The following JARID2 variants were observed in gnomAD, a reference collection of about 807,000 sequenced individuals.
JARID2 encodes the protein jumonji and AT-rich interaction domain containing 2, also known as protein Jumonji.
A neutral mutation model predicts 125.6 loss-of-function variants in JARID2; 21 were observed. That is an observed-to-expected ratio of 0.17 (90% CI 0.12 to 0.24). JARID2 has a LOEUF of 0.24. Ranked by LOEUF, JARID2 falls within the 10% of genes least tolerant of loss-of-function variation. The pLI is 1.00. For synonymous variants in JARID2, 736 were observed against 661.6 expected (o/e 1.11, Z -1.73); for missense variants, 1,303 against 1,639.6 (o/e 0.79, Z 3.55).
rs1282813295 is a variant in JARID2 at position 15,439,225 on chromosome 6, TA to T, written c.324-12779del. The stretch of plus-strand genomic sequence containing the variant: ...GATAAGATTTTGGACATTGCTCATT[TA>T]AGAAGTTTTTAGCTGAAAAATCTTA... On this transcript the variant is annotated intron_variant, in intron 3 of 17. Transcript: ENST00000341776. 2.0e-5 allele frequency among the ~76,000 whole-genome samples: 3 copies of T among 152,300 alleles called. No homozygotes were observed. In the South Asian group the frequency reaches 6.2e-4, roughly 32 times the overall value.
At chr6:15,277,044 TAGTAAA>T (rs1438111455) in intron 1 of JARID2, among the ~76,000 whole-genome samples, 1 of 152,216 alleles carries the variant, frequency 6.6e-6, no homozygotes, top group East Asian at 1.9e-4. Flanking sequence ...AATGAGTTCT[TAGTAAA>T]AGTGCTTTGT....
rs1050165029 is a variant in JARID2, at chr6:15,521,680, C to T, written c.*1429C>T. 6.6e-6 allele frequency: 1 copy of T among 152,108 alleles called. No homozygotes were observed. The highest frequency in any genetic ancestry group is 2.4e-5 in the African/African-American group (1 of 41,400). The allele number at this position is 152,108 out of a possible 1,614,324, so 9.4% of individuals were successfully genotyped here. The stretch of plus-strand genomic sequence containing the variant: ...TTGGATTCATCAATCCCGTAGCTAC[C>T]CATATTGCACTGAGCTTGCCAGTGG... On this transcript the variant is annotated 3_prime_UTR_variant, in exon 18 of 18. Coordinates refer to ENST00000341776, the MANE Select transcript of JARID2 (RefSeq NM_004973.4).
At chr6:15,353,181 G>T (rs1234177712) in intron 1 of JARID2, among the ~76,000 whole-genome samples, 1 of 152,162 alleles carries the variant, frequency 6.6e-6, no homozygotes, top group Non-Finnish European at 1.5e-5. Flanking sequence ...TGAGGTTCCA[G>T]TTTCTCTGCA....
At position 15,311,187 on chromosome 6, in the gene JARID2, A is replaced by G. The variant is rs578234485; in HGVS notation, c.46-62930A>G. ...GAGGATTCATATCACCCTTGCTCCT[A>G]ATCCAGTAACCCCTAGCAGTGCCCA... On this transcript the variant is annotated intron_variant, in intron 1 of 17. Coordinates refer to ENST00000341776, the MANE Select transcript of JARID2 (RefSeq NM_004973.4). Among the ~76,000 whole-genome samples the G allele has an allele frequency of 3.3e-5, 5 of 152,276 alleles. No homozygotes were observed. In the East Asian group the frequency reaches 9.7e-4, roughly 29 times the overall value.
chr6:15,431,619 T>G (rs1766971442), intron 3 of JARID2, among the ~76,000 whole-genome samples: 1 of 152,250 alleles, frequency 6.6e-6, no homozygotes, highest in South Asian at 2.1e-4. Flanking sequence ...GATATAATTT[T>G]AAATTGCAAT....
chr6:15,390,103 C>T (rs1299133420), intron 2 of JARID2, among the ~76,000 whole-genome samples: 2 of 152,176 alleles, frequency 1.3e-5, no homozygotes, highest in Non-Finnish European at 2.9e-5. Context: ...TCCTGCCCTT[C>T]CCTGTTTCAG....
chr6:15,263,547 T>C (rs981593920), intron 1 of JARID2, among the ~76,000 whole-genome samples: 1 of 152,002 alleles, frequency 6.6e-6, no homozygotes, highest in Non-Finnish European at 1.5e-5. Context: ...TTTCCCCAAG[T>C]TGGTGTGAAA....
chr6:15,370,486 C>T (rs966430579), intron 1 of JARID2, among the ~76,000 whole-genome samples: 1 of 151,872 alleles, frequency 6.6e-6, no homozygotes, highest in Non-Finnish European at 1.5e-5. Flanking sequence ...TACAGGCGCC[C>T]GCCACCACGC....
chr6:15,273,320 C>G (rs1760372461), intron 1 of JARID2, among the ~76,000 whole-genome samples: 1 of 152,212 alleles, frequency 6.6e-6, no homozygotes, highest in Non-Finnish European at 1.5e-5. Context: ...CATATAATCT[C>G]TTTTCCAATT....
In JARID2 at chr6:15,520,182, G is replaced by A. The variant is rs140270073; in HGVS notation, c.3672G>A (p.Ala1224=). The A allele has an allele frequency of 9.3e-6, 15 of 1,613,768 alleles. No homozygotes were observed. The highest frequency in any genetic ancestry group is 6.7e-5 in the Admixed American group (4 of 59,952). Reference sequence around the variant, plus strand: ...CAAAAAGAGGTCCCCGCAAGAGAGCGACAGTGGACGTGCCCCCCTCCCGTC... The same window carrying A: ...CAAAAAGAGGTCCCCGCAAGAGAGCAACAGTGGACGTGCCCCCCTCCCGTC... The part of the protein sequence containing the change: ...PTPKRGPRKR[A]TVDVPPSRLS... The change falls in exon 18 of 18, where the codon GCG becomes GCA. Residue 1224 remains alanine (A), a synonymous_variant. Transcript: ENST00000341776.
intron 1 of JARID2, among the ~76,000 whole-genome samples, chr6:15,251,304 C>T (rs1213243454): frequency 6.6e-6 from 1 of 152,262 alleles, no homozygotes; most frequent in African/African-American, 2.4e-5. Flanking sequence ...GCGTGAGCCA[C>T]TGCACCCAGC....
intron 1 of JARID2, among the ~76,000 whole-genome samples, chr6:15,281,924 C>CTGTGTGTGTGTGTG (rs3138771): frequency 3.8e-4 from 55 of 146,262 alleles, no homozygotes; most frequent in African/African-American, 1.2e-3. Context: ...GGTATGTGCT[C>CTGTGTGTGTGTGTG]TGTGTGTGTG....
At chr6:15,487,066 C>T (rs773605728) in intron 5 of JARID2, among the ~76,000 whole-genome samples, 12 of 152,010 alleles carry the variant, frequency 7.9e-5, no homozygotes, top group African/African-American at 2.4e-4. Context: ...AAAGGTAGAG[C>T]GTGAGGTGGG....
At chr6:15,403,461 C>T (rs1765519894) in intron 2 of JARID2, among the ~76,000 whole-genome samples, 1 of 152,132 alleles carries the variant, frequency 6.6e-6, no homozygotes, top group African/African-American at 2.4e-5. Context: ...CTGCTTACCT[C>T]TTCCTCTGAG....
intron 2 of JARID2, among the ~76,000 whole-genome samples, chr6:15,378,626 A>G (rs767388874): frequency 6.6e-6 from 1 of 152,212 alleles, no homozygotes; most frequent in Non-Finnish European, 1.5e-5. Flanking sequence ...ATTGCAGCTC[A>G]AGTCCTGTAA....
chr6:15,414,131 A>G (rs1313747796), intron 3 of JARID2, among the ~76,000 whole-genome samples: 1 of 152,154 alleles, frequency 6.6e-6, no homozygotes, highest in African/African-American at 2.4e-5. Flanking sequence ...GGTGATGGGG[A>G]AAGGGGAAGA....
chr6:15,324,284 A>G (rs944671351), intron 1 of JARID2: 6 of 151,496 alleles, frequency 4.0e-5, no homozygotes, highest in Non-Finnish European at 7.4e-5. Context: ...AAATCTTTGT[A>G]TAACCTAAGA....
At chr6:15,363,118 G>C (rs888836042) in intron 1 of JARID2, among the ~76,000 whole-genome samples, 21 of 152,178 alleles carry the variant, frequency 1.4e-4, no homozygotes, top group Admixed American at 1.3e-3. Context: ...AGGTATTTTA[G>C]TGTGGCAGGA....
chr6:15,504,818 G>A (rs1470098651), intron 9 of JARID2, among the ~76,000 whole-genome samples: 1 of 152,176 alleles, frequency 6.6e-6, no homozygotes, highest in East Asian at 1.9e-4. Flanking sequence ...AAGGTGGGGA[G>A]CTGCCGAGTG....
Sources: allele counts gnomAD v4.1 joint callset (sites outside exome capture counted in the v4.1 genomes callset), GRCh38; gene constraint gnomAD v4.1.1; transcripts MANE v1.5; gene names NCBI Gene and HGNC (gene_info 2026-07-23, HGNC 2026-07-21).